RALGAPA1: variants seen among roughly 807,000 people sequenced by gnomAD.
The protein encoded by RALGAPA1 is Ral GTPase activating protein catalytic subunit alpha 1.
Under a neutral mutation model 269.6 loss-of-function variants are expected in RALGAPA1, and 52 were observed. The ratio of observed to expected loss-of-function variants is 0.19; its 90% CI spans 0.15 to 0.24. The LOEUF is 0.24. RALGAPA1 is among the 10% of genes least tolerant of loss of function. RALGAPA1 has a pLI of 1.00. For missense variants in RALGAPA1, 1,917 were observed against 3,013.9 expected, an observed-to-expected ratio of 0.64 and a Z score of 8.52; for synonymous variants, 817 against 1,008.3, an observed-to-expected ratio of 0.81 and a Z score of 3.60.
chr14:35,782,822 A>C (rs1336543357), intron 1 of RALGAPA1, among the ~76,000 whole-genome samples: 1 of 151,980 alleles, frequency 6.6e-6, no homozygotes, highest in African/African-American at 2.4e-5. Flanking sequence ...CAGAATAGTC[A>C]AAACAGTATT....
chr14:35,728,534 T>A, intron 12 of RALGAPA1, 24 bp from the exon 13 acceptor site: 1 of 1,559,132 alleles, frequency 6.4e-7, no homozygotes. Context: ...AATCATTAGC[T>A]ATTCACAAAG....
intron 31 of RALGAPA1, among the ~76,000 whole-genome samples, chr14:35,648,670 C>A (rs141779165): frequency 2.0e-5 from 3 of 152,124 alleles, no homozygotes; most frequent in African/African-American, 7.2e-5. Context: ...GGCATGGTGG[C>A]GTACGCCTGT....
At chr14:35,669,019 T>C (rs2064182421) in intron 26 of RALGAPA1, among the ~76,000 whole-genome samples, 1 of 152,206 alleles carries the variant, frequency 6.6e-6, no homozygotes, top group African/African-American at 2.4e-5. Context: ...TACCTCTGCC[T>C]GGAACACTGT....
At chr14:35,663,972 T>C (rs2063742137) in intron 27 of RALGAPA1, among the ~76,000 whole-genome samples, 1 of 152,182 alleles carries the variant, frequency 6.6e-6, no homozygotes, top group Non-Finnish European at 1.5e-5. Context: ...GATGGAATTA[T>C]TTATCAACAG....
intron 37 of RALGAPA1, among the ~76,000 whole-genome samples, chr14:35,588,303 T>C (rs2058436728): frequency 6.6e-6 from 1 of 152,196 alleles, no homozygotes; most frequent in Non-Finnish European, 1.5e-5. Context: ...AAACATCCAT[T>C]TCAGATGCTT....
At chr14:35,803,792 C>G (rs950999136) in intron 1 of RALGAPA1, among the ~76,000 whole-genome samples, 3 of 151,812 alleles carry the variant, frequency 2.0e-5, no homozygotes, top group Non-Finnish European at 4.4e-5. Flanking sequence ...GCTATCACAC[C>G]TGGTTATTTT....
chr14:35,655,802 T>C lies in RALGAPA1; in HGVS notation c.5496+5A>G. 1 of 1,611,528 alleles carries C rather than the reference T, an allele frequency of 6.2e-7. No homozygotes were observed. The highest frequency in any genetic ancestry group is 8.5e-7 in the Non-Finnish European group (1 of 1,179,214). On this transcript the variant is annotated splice_donor_5th_base_variant and intron_variant, in intron 29 of 41. Coordinates refer to ENST00000680220, the MANE Select transcript of RALGAPA1 (RefSeq NM_001346249.2). Reference sequence around the variant, plus strand: ...TAATATATTTCACTAAACAGTTTTCTTTACCTTTAAGGAAACACAAATCAC... The same window carrying C: ...TAATATATTTCACTAAACAGTTTTCCTTACCTTTAAGGAAACACAAATCAC...
chr14:35,604,172 A>G (rs577620344), intron 36 of RALGAPA1, among the ~76,000 whole-genome samples: 1 of 152,212 alleles, frequency 6.6e-6, no homozygotes, highest in African/African-American at 2.4e-5. Context: ...CAGTAAAAAC[A>G]TACTGATCTA....
Position 35,674,536 on chromosome 14 carries a change from G to A in RALGAPA1, c.4798C>T (p.Leu1600Phe), listed in dbSNP as rs1439881558. 6.2e-7 allele frequency: 1 copy of A among 1,605,064 alleles called. No homozygotes were observed. Among genetic ancestry groups the A allele is most frequent in the South Asian group, 1.1e-5 (1 of 88,376 alleles). The part of the protein sequence containing the change: ...HAQVFDYLCE[L>F]WQNLAKIRDN... Reference sequence around the variant, plus strand: ...TTTACCTTAGCTAGATTCTGCCAAAGTTCACAGAGGTAATCAAAAACTTGA... The same window carrying A: ...TTTACCTTAGCTAGATTCTGCCAAAATTCACAGAGGTAATCAAAAACTTGA... The change falls in exon 23 of 42, where the codon CTT becomes TTT. Residue 1600 changes from leucine (L) to phenylalanine (F), a missense_variant. Physicochemically the swap from Leu to Phe is conservative, Grantham distance 22. Transcript: ENST00000680220.
intron 12 of RALGAPA1, among the ~76,000 whole-genome samples, chr14:35,729,643 G>A (rs2070286703): frequency 6.6e-6 from 1 of 152,198 alleles, no homozygotes; most frequent in African/African-American, 2.4e-5. Flanking sequence ...GACCTGAGGT[G>A]AGAGCCTGCC....
chr14:35,605,807 A>G (rs2059564998), intron 35 of RALGAPA1, 98 bp from the exon 36 acceptor site: 1 of 1,374,136 alleles, frequency 7.3e-7, no homozygotes, highest in Non-Finnish European at 9.9e-7. Flanking sequence ...AGCAATAAAA[A>G]GATGAAAAAG....
At chr14:35,674,745 A>C (rs745624681) in intron 22 of RALGAPA1, 36 bp from the exon 23 acceptor site, 1 of 1,115,586 alleles carries the variant, frequency 9.0e-7, no homozygotes, top group Non-Finnish European at 1.3e-6. Context: ...GCCATTTTTC[A>C]GTGAACTGAA....
chr14:35,679,058 A>C (rs994242246), intron 21 of RALGAPA1, among the ~76,000 whole-genome samples: 2 of 152,226 alleles, frequency 1.3e-5, no homozygotes, highest in African/African-American at 4.8e-5. Context: ...ATACTGTAGT[A>C]GTGCTAGTGC....
In RALGAPA1 at chr14:35,779,277, G is replaced by A. The variant is rs557087789; in HGVS notation, c.107-3532C>T. Among the ~76,000 whole-genome samples, 7 of 152,194 alleles carry A rather than the reference G, an allele frequency of 4.6e-5. No individual in the cohort carries two copies. In the South Asian group the frequency reaches 8.3e-4, roughly 18 times the overall value. On this transcript the variant is annotated intron_variant, in intron 1 of 41. Transcript: ENST00000680220. ...AAGGTGGTTGACATCTGTAATCCCA[G>A]TACTTTAGGAGGCTGAAGTGGGAGG...
intron 16 of RALGAPA1, among the ~76,000 whole-genome samples, chr14:35,714,661 G>A (rs1471441713): frequency 6.6e-6 from 1 of 152,100 alleles, no homozygotes; most frequent in Non-Finnish European, 1.5e-5. Flanking sequence ...ACTATATTCA[G>A]ATAATATCTC....
chr14:35,737,552 T>C (rs2141107100), intron 12 of RALGAPA1, among the ~76,000 whole-genome samples: 1 of 138,646 alleles, frequency 7.2e-6, no homozygotes, highest in Non-Finnish European at 1.6e-5. Flanking sequence ...AGGTCAGGAG[T>C]TTGAGACCAG....
intron 31 of RALGAPA1, among the ~76,000 whole-genome samples, chr14:35,641,310 T>C (rs1250326709): frequency 6.6e-6 from 1 of 152,166 alleles, no homozygotes; most frequent in Non-Finnish European, 1.5e-5. Flanking sequence ...ATTATCCTTG[T>C]TTGCTGACGA....
chr14:35,717,065 G>A (rs1475703286), intron 16 of RALGAPA1, among the ~76,000 whole-genome samples: 1 of 152,160 alleles, frequency 6.6e-6, no homozygotes, highest in Admixed American at 6.5e-5. Flanking sequence ...TCTCTTTAGA[G>A]GGCAAATTAA....
chr14:35,565,849 G>T (rs757685481), intron 39 of RALGAPA1, among the ~76,000 whole-genome samples: 2 of 152,166 alleles, frequency 1.3e-5, no homozygotes, highest in Admixed American at 6.5e-5. Flanking sequence ...AGGATCAAAA[G>T]AAATAATTGC....
Sources: allele counts gnomAD v4.1 joint callset (sites outside exome capture counted in the v4.1 genomes callset), GRCh38; gene constraint gnomAD v4.1.1; transcripts MANE v1.5; gene names NCBI Gene and HGNC (gene_info 2026-07-23, HGNC 2026-07-21).